DLC1: variants seen among roughly 807,000 people sequenced by gnomAD.
The protein encoded by DLC1 is rho GTPase-activating protein 7.
A neutral mutation model predicts 140.3 loss-of-function variants in DLC1; 54 were observed. The ratio of observed to expected loss-of-function variants is 0.38; its 90% confidence interval spans 0.31 to 0.48. DLC1 has a LOEUF of 0.48. Among genes scored for constraint, DLC1 ranks in the 20% least tolerant of loss-of-function variants. DLC1 has a pLI of 0.96. For missense variants in DLC1, 2,536 were observed against 1,907.0 expected (o/e 1.33, Z -6.14); for synonymous variants, 986 against 728.1 (o/e 1.35, Z -5.70).
chr8:13,350,547 C>G (rs1288964585), intron 4 of DLC1, among the ~76,000 whole-genome samples: 1 of 152,108 alleles, frequency 6.6e-6, no homozygotes, highest in Non-Finnish European at 1.5e-5. Context: ...CAAATCCTGT[C>G]TCTACTAAAA....
Position 13,148,798 on chromosome 8 carries a change from T to C in DLC1, c.1349-33141A>G, listed in dbSNP as rs1004660913. Reference sequence around the variant, plus strand: ...AGTAATGAGGTGATAATTTTTTCTTTTTTATTTTTTATGAGATGGAGTCTT... The same window carrying C: ...AGTAATGAGGTGATAATTTTTTCTTCTTTATTTTTTATGAGATGGAGTCTT... On this transcript the variant is annotated intron_variant, in intron 5 of 17. Coordinates refer to ENST00000276297, the MANE Select transcript of DLC1 (RefSeq NM_182643.3). Among the ~76,000 whole-genome samples the C allele has an allele frequency of 2.6e-5, 4 of 152,284 alleles. No homozygotes were observed. The East Asian group carries it at 7.7e-4, about 29-fold the overall frequency.
At chr8:13,513,604 T>C (rs943745588) in intron 1 of DLC1, among the ~76,000 whole-genome samples, 1 of 152,194 alleles carries the variant, frequency 6.6e-6, no homozygotes, top group Non-Finnish European at 1.5e-5. Flanking sequence ...TTATGTACCA[T>C]TTTATTTCTA....
At chr8:13,480,465 TC>T (rs1800678271) in intron 2 of DLC1, among the ~76,000 whole-genome samples, 1 of 152,198 alleles carries the variant, frequency 6.6e-6, no homozygotes, top group South Asian at 2.1e-4. Flanking sequence ...TATATCTTCT[TC>T]CTTTGGGTCC....
chr8:13,107,345 T>C (rs1267827909), intron 7 of DLC1, among the ~76,000 whole-genome samples: 1 of 152,190 alleles, frequency 6.6e-6, no homozygotes, highest in Non-Finnish European at 1.5e-5. Flanking sequence ...ACATGAACAC[T>C]CTAAACTAAG....
intron 5 of DLC1, among the ~76,000 whole-genome samples, chr8:13,298,415 A>C (rs1048532550): frequency 1.3e-5 from 2 of 152,204 alleles, no homozygotes; most frequent in Non-Finnish European, 2.9e-5. Flanking sequence ...AAGCTTTAGA[A>C]TCGTGTTAAC....
At chr8:13,205,061 A>G (rs1827587431) in intron 5 of DLC1, among the ~76,000 whole-genome samples, 2 of 152,174 alleles carry the variant, frequency 1.3e-5, no homozygotes, top group African/African-American at 4.8e-5. Context: ...TGAGGCTATT[A>G]TAGACCAGAT....
At chr8:13,370,940 G>T (rs975336699) in intron 4 of DLC1, among the ~76,000 whole-genome samples, 1 of 152,132 alleles carries the variant, frequency 6.6e-6, no homozygotes, top group South Asian at 2.1e-4. Context: ...CTGGCCAAGG[G>T]AACTGCAGTG....
At chr8:13,159,439 G>C (rs774330462) in intron 5 of DLC1, among the ~76,000 whole-genome samples, 1 of 152,152 alleles carries the variant, frequency 6.6e-6, no homozygotes, top group Non-Finnish European at 1.5e-5. Context: ...GCATTCTCAC[G>C]TTCAGGTTTT....
At chr8:13,237,040 C>G (rs1453639687) in intron 5 of DLC1, among the ~76,000 whole-genome samples, 1 of 151,800 alleles carries the variant, frequency 6.6e-6, no homozygotes, top group Non-Finnish European at 1.5e-5. Context: ...AGGTCCCTTC[C>G]AACTTTAACT....
intron 2 of DLC1, among the ~76,000 whole-genome samples, chr8:13,491,358 G>A (rs1801230849): frequency 6.6e-6 from 1 of 151,866 alleles, no homozygotes; most frequent in African/African-American, 2.4e-5. Context: ...GAAAAGCTAT[G>A]GAATTTCTAG....
intron 5 of DLC1, among the ~76,000 whole-genome samples, chr8:13,282,586 A>C (rs1387850419): frequency 6.6e-6 from 1 of 152,164 alleles, no homozygotes; most frequent in Non-Finnish European, 1.5e-5. Context: ...TTCAGGGGGA[A>C]ATAATTTCCT....
chr8:13,121,253 G>A (rs1351714418), intron 5 of DLC1, among the ~76,000 whole-genome samples: 1 of 152,134 alleles, frequency 6.6e-6, no homozygotes, highest in East Asian at 1.9e-4. Context: ...GCAGGCAGGT[G>A]GTGCTTTTTG....
chr8:13,492,218 C>A (rs1408930014), intron 2 of DLC1, among the ~76,000 whole-genome samples: 1 of 150,414 alleles, frequency 6.6e-6, no homozygotes. Context: ...GGAGATACAG[C>A]CCATAAGGCT....
At chr8:13,447,705 A>G (rs1037004545) in intron 2 of DLC1, among the ~76,000 whole-genome samples, 3 of 152,220 alleles carry the variant, frequency 2.0e-5, no homozygotes, top group African/African-American at 7.2e-5. Flanking sequence ...GTACAAGATC[A>G]TATAAGAAAA....
At chr8:13,119,147 T>C (rs1302890240) in intron 5 of DLC1, among the ~76,000 whole-genome samples, 3 of 151,060 alleles carry the variant, frequency 2.0e-5, no homozygotes, top group Admixed American at 6.6e-5. Flanking sequence ...AAGGACCTAC[T>C]TGAGCCAGAG....
chr8:13,544,254 A>T (rs1715848004), intron 1 of DLC1, among the ~76,000 whole-genome samples: 2 of 151,804 alleles, frequency 1.3e-5, no homozygotes, highest in Non-Finnish European at 1.5e-5. Context: ...TAGATTGGTC[A>T]CTTAACTGAC....
intron 7 of DLC1, among the ~76,000 whole-genome samples, chr8:13,103,093 G>A (rs1263717882): frequency 6.6e-6 from 1 of 151,394 alleles, no homozygotes; most frequent in Non-Finnish European, 1.5e-5. Flanking sequence ...GGTGGATCAC[G>A]AGGTCAGGAG....
intron 1 of DLC1, among the ~76,000 whole-genome samples, chr8:13,597,063 A>T (rs569442133): frequency 6.6e-6 from 1 of 152,038 alleles, no homozygotes; most frequent in South Asian, 2.1e-4. Context: ...AAGGACAAGT[A>T]AATTCATATT....
chr8:13,344,210 C>G (rs372204302), intron 4 of DLC1, among the ~76,000 whole-genome samples: 1 of 152,288 alleles, frequency 6.6e-6, no homozygotes, highest in Admixed American at 6.5e-5. Context: ...TACTTTCAAT[C>G]AGCCTGGCCG....
Sources: gnomAD v4.1 joint callset for allele counts (sites outside exome capture counted in the v4.1 genomes callset) on GRCh38, gnomAD v4.1.1 for gene constraint, MANE v1.5 for transcripts, NCBI Gene and HGNC (gene_info 2026-07-23, HGNC 2026-07-21) for gene names.